Variants in SEM1 observed in about 807,000 individuals in gnomAD.
The protein encoded by SEM1 is 26S proteasome complex subunit SEM1.
In SEM1, 3 loss-of-function variants were observed where a neutral mutation model predicts 12.7. The observed-to-expected ratio is 0.24, with a 90% CI of 0.11 to 0.61. The LOEUF is 0.61. SEM1 is among the 20% of genes least tolerant of loss of function. The pLI is 0.88. For synonymous variants in SEM1, 30 were observed against 27.8 expected (o/e 1.08, Z -0.25); for missense variants, 59 against 81.3 (o/e 0.73, Z 1.06).
chr7:96,656,075 A>T (rs1052100114), intron 2 of SEM1, among the ~76,000 whole-genome samples: 14 of 152,222 alleles, frequency 9.2e-5, no homozygotes, highest in African/African-American at 3.1e-4. Flanking sequence ...GGCTCAGTCC[A>T]GTCTGACCTC....
At chr7:96,578,250 T>C (rs1806270694) in intron 2 of SEM1, among the ~76,000 whole-genome samples, 1 of 148,316 alleles carries the variant, frequency 6.7e-6, no homozygotes, top group South Asian at 2.2e-4. Flanking sequence ...AACCTTTAGA[T>C]TCAGTGTCCT....
intron 2 of SEM1, among the ~76,000 whole-genome samples, chr7:96,540,212 C>A (rs1804903528): frequency 6.6e-6 from 1 of 151,304 alleles, no homozygotes; most frequent in South Asian, 2.1e-4. Flanking sequence ...AACTTTATGA[C>A]AAAGAAAACA....
intron 2 of SEM1, among the ~76,000 whole-genome samples, chr7:96,646,429 C>G (rs2116418948): frequency 1.3e-5 from 2 of 152,314 alleles, no homozygotes; most frequent in South Asian, 4.1e-4. Context: ...AGTGATGTTT[C>G]TCTTTCCTCT....
intron 2 of SEM1, among the ~76,000 whole-genome samples, chr7:96,666,373 G>A (rs1200930993): frequency 1.3e-5 from 2 of 152,062 alleles, no homozygotes; most frequent in Admixed American, 1.3e-4. Flanking sequence ...GTGACTTTGG[G>A]TAAGTCAGCT....
intron 2 of SEM1, among the ~76,000 whole-genome samples, chr7:96,579,686 T>C (rs1347696741): frequency 6.6e-6 from 1 of 152,220 alleles, no homozygotes; most frequent in Admixed American, 6.5e-5. Flanking sequence ...AGACTGCCTC[T>C]TGAAAAGAGT....
intron 2 of SEM1, among the ~76,000 whole-genome samples, chr7:96,588,353 AACACACACACACACACACACAC>A (rs56655484): frequency 7.1e-6 from 1 of 140,948 alleles, no homozygotes; most frequent in Non-Finnish European, 1.5e-5. Flanking sequence ...TCTAAAAACA[AACACACACACACACACACACAC>A]ACACACACAC....
chr7:96,705,543 T>C (rs564539224), intron 1 of SEM1, among the ~76,000 whole-genome samples: 1 of 152,230 alleles, frequency 6.6e-6, no homozygotes, highest in South Asian at 2.1e-4. Flanking sequence ...TTTAAATAAA[T>C]TAGGCTGGGC....
intron 2 of SEM1, among the ~76,000 whole-genome samples, chr7:96,533,444 G>T (rs986104654): frequency 2.0e-5 from 3 of 151,930 alleles, no homozygotes; most frequent in Non-Finnish European, 4.4e-5. Context: ...GAATCTCTAG[G>T]CTGTTTAATT....
At chr7:96,512,860 A>G (rs992970900) in intron 2 of SEM1, among the ~76,000 whole-genome samples, 2 of 152,134 alleles carry the variant, frequency 1.3e-5, no homozygotes, top group African/African-American at 4.8e-5. Context: ...TTACAAAAAA[A>G]GCATCAACAG....
chr7:96,491,082 A>G (rs1289413523), intron 1 of SEM1, among the ~76,000 whole-genome samples: 1 of 152,226 alleles, frequency 6.6e-6, no homozygotes, highest in East Asian at 1.9e-4. Context: ...GCATTGCTGC[A>G]TCTGCTTTAC....
At chr7:96,525,808 A>G (rs1430066363) in intron 2 of SEM1, among the ~76,000 whole-genome samples, 4 of 152,118 alleles carry the variant, frequency 2.6e-5, no homozygotes, top group African/African-American at 9.7e-5. Context: ...ATTGTGAACT[A>G]CACTTGCAAG....
At chr7:96,488,128 C>T (rs1303773335) in intron 1 of SEM1, among the ~76,000 whole-genome samples, 1 of 152,138 alleles carries the variant, frequency 6.6e-6, no homozygotes, top group Admixed American at 6.5e-5. Context: ...CAAGGGAGAG[C>T]ATGGTCTTCT....
intron 2 of SEM1, chr7:96,622,833 A>G: frequency 1.8e-6 from 1 of 547,984 alleles, no homozygotes; most frequent in Non-Finnish European, 3.3e-6. Context: ...GAAAACTTAC[A>G]TAAATACAGA....
chr7:96,535,114 G>T (rs1804748471), intron 2 of SEM1, among the ~76,000 whole-genome samples: 1 of 151,874 alleles, frequency 6.6e-6, no homozygotes, highest in East Asian at 1.9e-4. Flanking sequence ...GTAGCCATCT[G>T]CACACAAATG....
chr7:96,498,580 A>G (rs759427601), upstream of SEM1, among the ~76,000 whole-genome samples: 12 of 152,172 alleles, frequency 7.9e-5, no homozygotes, highest in African/African-American at 2.4e-4. Flanking sequence ...ACACCATAAG[A>G]TTGTTCAGAG....
At chr7:96,646,805 T>C (rs185850289) in intron 2 of SEM1, among the ~76,000 whole-genome samples, 1 of 152,338 alleles carries the variant, frequency 6.6e-6, no homozygotes, top group East Asian at 1.9e-4. Context: ...CAGAGTTTAT[T>C]TCTTTCTTTG....
chr7:96,639,425 C>T (rs529008417), intron 2 of SEM1, among the ~76,000 whole-genome samples: 1 of 151,930 alleles, frequency 6.6e-6, no homozygotes, highest in African/African-American at 2.4e-5. Flanking sequence ...CAGAAATAGA[C>T]CCACAAAAAT....
rs1167686337 is a variant in SEM1 at position 96,641,916 on chromosome 7, C to CA, written c.171-19274dup. Among the ~76,000 whole-genome samples the CA allele has an allele frequency of 7.2e-5, 11 of 151,830 alleles. No individual in the cohort carries two copies. The East Asian group carries it at 1.9e-3, about 27-fold the overall frequency. ...TATATTTTCTAAGCTCCTGAATACT[C>CA]AAAAAAGTCCTATTTCCTTCACATG... On this transcript the variant is annotated intron_variant, in intron 2 of 2. Coordinates refer to the SEM1 transcript ENST00000417009.
intron 1 of SEM1, among the ~76,000 whole-genome samples, chr7:96,701,297 A>T (rs1274539942): frequency 6.6e-6 from 1 of 151,520 alleles, no homozygotes; most frequent in Non-Finnish European, 1.5e-5. Context: ...ATATGATGGT[A>T]TTCGGGAGGT....
Sources: gnomAD v4.1 joint callset for allele counts (sites outside exome capture counted in the v4.1 genomes callset) on GRCh38, gnomAD v4.1.1 for gene constraint, MANE v1.5 for transcripts, NCBI Gene and HGNC (gene_info 2026-07-23, HGNC 2026-07-21) for gene names.